The following CIC variants were observed in gnomAD, a reference collection of about 807,000 sequenced individuals.
CIC encodes capicua transcriptional repressor.
In CIC, 18 loss-of-function variants were observed where a neutral mutation model predicts 115.7. The observed-to-expected ratio is 0.16, with a 90% CI of 0.11 to 0.23. The LOEUF is 0.23. Among genes scored for constraint, CIC ranks in the 10% least tolerant of loss-of-function variants. The pLI, the probability that CIC is intolerant of heterozygous loss-of-function variation, is 1.00. For missense variants in CIC, 2,000 were observed against 2,159.3 expected, an observed-to-expected ratio of 0.93 and a Z score of 1.46; for synonymous variants, 1,076 against 923.0, an observed-to-expected ratio of 1.17 and a Z score of -3.01.
intron 2 of CIC, among the ~76,000 whole-genome samples, 196 bp downstream of exon 2, chr19:42,274,773 C>T: frequency 6.6e-6 from 1 of 152,218 alleles, no homozygotes; most frequent in East Asian, 1.9e-4. Context: ...GCACCGTTTC[C>T]AGAGGCCTCC....
At chr19:42,268,556 TGA>T (rs2036650108), upstream of CIC, 2 of 152,170 alleles carry the variant, frequency 1.3e-5, no homozygotes, top group Admixed American at 6.5e-5. Context: ...CCGCTGCCAC[TGA>T]GAGGAGCCAC....
chr19:42,284,787 G>T (rs774997201), intron 2 of CIC: 37 of 1,547,656 alleles, frequency 2.4e-5, no homozygotes, highest in Admixed American at 7.7e-5. Flanking sequence ...TAGCGCCTGG[G>T]CCCTGGGACT....
At chr19:42,275,425 G>C (rs990888893) in intron 2 of CIC, among the ~76,000 whole-genome samples, 2 of 152,230 alleles carry the variant, frequency 1.3e-5, no homozygotes, top group Non-Finnish European at 2.9e-5. Context: ...GCAACCGTGG[G>C]GTGGAAGAGC....
chr19:42,291,963 C>G, intron 12 of CIC, 123 bp from the exon 13 acceptor site: 7 of 1,459,748 alleles, frequency 4.8e-6, no homozygotes, highest in Non-Finnish European at 6.7e-6. Flanking sequence ...CTTGCCCATC[C>G]TGTTCTCACC....
At position 42,294,719 on chromosome 19, in the gene CIC, T is replaced by C; in HGVS notation, c.7170T>C (p.His2390=). The C allele has an allele frequency of 6.2e-7, 1 of 1,613,536 alleles. No homozygotes were observed. Among genetic ancestry groups the C allele is most frequent in the Non-Finnish European group, 8.5e-7 (1 of 1,180,008 alleles). ...TGGTCATGCAGCTCTTTCAGGACCATGGCTTCTTCCCGTCAGGTGAGCCTG... is the reference window on the plus strand; with the variant it reads ...TGGTCATGCAGCTCTTTCAGGACCACGGCTTCTTCCCGTCAGGTGAGCCTG... The part of the protein sequence containing the change: ...RALVMQLFQD[H]GFFPSAQATA... Residue 2390 remains histidine (H), a synonymous_variant, in exon 20 of 21, where the codon CAT becomes CAC. Coordinates refer to ENST00000681038, the MANE Select transcript of CIC (RefSeq NM_001386298.1).
rs944283778 is a variant in CIC at position 42,287,191 on chromosome 19, C to G, written c.3130C>G (p.Pro1044Ala). The change falls in exon 4 of 21, where the codon CCA becomes GCA. Residue 1044 changes from proline to alanine, a missense_variant. Transcript: ENST00000681038. The surrounding 1 kb of genome is among the most constrained non-coding windows in gnomAD (Gnocchi z 8.7). ...PTTEEEASGP[P>A]GEPRLDSETE... ...CACGGAGGAGGAGGCCTCCGGCCCC[C>G]CAGGAGAGCCCCGGCTGGACAGTGA... The G allele has an allele frequency of 1.2e-6, 2 of 1,613,438 alleles. No homozygotes were observed. The highest frequency in any genetic ancestry group is 1.3e-5 in the African/African-American group (1 of 74,900).
chr19:42,284,723 C>A (rs1305311471), intron 2 of CIC: 9 of 1,554,694 alleles, frequency 5.8e-6, no homozygotes, highest in Non-Finnish European at 6.9e-6. Context: ...GGCCCACAGG[C>A]CCCTGATGCC....
chr19:42,288,338 G>A (rs2037812688), intron 7 of CIC, among the ~76,000 whole-genome samples: 1 of 152,188 alleles, frequency 6.6e-6, no homozygotes, highest in Admixed American at 6.5e-5. Context: ...ACAAGCAAAT[G>A]ACAGAGCCAG....
chr19:42,271,148 ATG>A (rs138257875), intron 1 of CIC, among the ~76,000 whole-genome samples: 1 of 151,930 alleles, frequency 6.6e-6, no homozygotes, highest in Non-Finnish European at 1.5e-5. Flanking sequence ...GTACTTGTGC[ATG>A]TGTGTGTGTG....
At chr19:42,294,467 C>G in intron 19 of CIC, 137 bp from the exon 20 acceptor site, 1 of 1,547,370 alleles carries the variant, frequency 6.5e-7, no homozygotes, top group Non-Finnish European at 8.8e-7. Context: ...CCTAGGTTGC[C>G]CTGTGACTGT....
intron 2 of CIC, among the ~76,000 whole-genome samples, chr19:42,281,380 C>T (rs999442661): frequency 2.6e-5 from 4 of 152,174 alleles, no homozygotes; most frequent in African/African-American, 7.2e-5. Flanking sequence ...TCAGCCTGTA[C>T]CGCCCGCCCG....
intron 2 of CIC, chr19:42,284,726 C>A: frequency 6.4e-7 from 1 of 1,555,868 alleles, no homozygotes; most frequent in Non-Finnish European, 8.7e-7. Flanking sequence ...CCACAGGCCC[C>A]TGATGCCCGC....
chr19:42,284,908 T>TCGG, intron 2 of CIC: 1 of 815,810 alleles, frequency 1.2e-6, no homozygotes. Flanking sequence ...GTTACGGAGC[T>TCGG]CGGCCGGGCC....
chr19:42,290,133 T>C, intron 10 of CIC, 100 bp from the exon 11 acceptor site: 1 of 1,561,734 alleles, frequency 6.4e-7, no homozygotes, highest in Non-Finnish European at 8.8e-7. Flanking sequence ...GGTGCAGCCC[T>C]AGGCTGGCCT....
In CIC at chr19:42,273,609, C is replaced by T. The variant is rs1166655975; in HGVS notation, c.1826C>T (p.Ser609Leu). The change falls in exon 2 of 21, where the codon TCG becomes TTG. Residue 609 changes from serine to leucine, a missense_variant. Transcript: ENST00000681038. ...GTGATGCTGGTGTCGCTGGGCAGCT[C>T]GCGCTCAGGCACGCCCTCCTTCTCA... ...AAVMLVSLGS[S>L]RSGTPSFSPV... 1 of 398,480 alleles carries T rather than the reference C, an allele frequency of 2.5e-6. No individual in the cohort carries two copies. The highest frequency in any genetic ancestry group is 4.4e-6 in the Non-Finnish European group (1 of 226,004). 24.7% of individuals were successfully genotyped at this position (398,480 alleles called of 1,614,324 possible). A position where few individuals can be genotyped will look rare whatever the true frequency, so the allele number is the denominator to read the frequency against.
In CIC at chr19:42,270,108, T is replaced by C. The variant is rs1426143341; in HGVS notation, c.-11+727T>C. ...ATAGTTGTAGGCCCTGGGTGGGGTA[T>C]GCAAAGGTTTGTGCTTGGAAAAAAC... On this transcript the variant is annotated intron_variant, in intron 1 of 20. Transcript: ENST00000681038. The surrounding 1 kb of genome is among the most constrained non-coding windows in gnomAD (Gnocchi z 4.1). Among the ~76,000 whole-genome samples the C allele has an allele frequency of 1.3e-5, 2 of 152,140 alleles. No homozygotes were observed. The highest frequency in any genetic ancestry group is 4.8e-5 in the African/African-American group (2 of 41,406).
chr19:42,294,971 C>G lies in CIC; in HGVS notation c.7334C>G (p.Pro2445Arg), dbSNP rs1399266788. The G allele has an allele frequency of 6.2e-7, 1 of 1,600,024 alleles. No homozygotes were observed. The highest frequency in any genetic ancestry group is 8.5e-7 in the Non-Finnish European group (1 of 1,179,828). The change falls in exon 21 of 21, where the codon CCT becomes CGT. Residue 2445 changes from proline (P) to arginine (R), a missense_variant. Physicochemically the swap from Pro to Arg is moderately radical, Grantham distance 103 (BLOSUM62 -2). Transcript: ENST00000681038. ...CCCCCTGGAGCTGAGGCTCCTCTCC[C>G]TGTACCGCCCCCCACTGGCACCGCT... ...EQPPGAEAPL[P>R]VPPPTGTAAA...
At chr19:42,291,963 C>A in intron 12 of CIC, 123 bp from the exon 13 acceptor site, 1 of 1,459,744 alleles carries the variant, frequency 6.9e-7, no homozygotes. Flanking sequence ...CTTGCCCATC[C>A]TGTTCTCACC....
intron 2 of CIC, among the ~76,000 whole-genome samples, chr19:42,278,002 C>T (rs2037054789): frequency 6.6e-6 from 1 of 152,252 alleles, no homozygotes; most frequent in African/African-American, 2.4e-5. Flanking sequence ...GGCCTGGTCC[C>T]TTCTGCTGGC....
Sources: allele counts gnomAD v4.1 joint callset (sites outside exome capture counted in the v4.1 genomes callset), GRCh38; gene constraint gnomAD v4.1.1; non-coding constraint Gnocchi (gnomAD v3.1); transcripts MANE v1.5; gene names NCBI Gene and HGNC (gene_info 2026-07-23, HGNC 2026-07-21).